TTC28: variants seen among roughly 807,000 people sequenced by gnomAD.
TTC28 encodes the protein tetratricopeptide repeat domain 28.
In TTC28, 61 loss-of-function variants were observed where a neutral mutation model predicts 198.0. The ratio of observed to expected loss-of-function variants is 0.31; its 90% CI spans 0.25 to 0.38. The LOEUF (loss-of-function observed/expected upper bound fraction) is 0.38, where lower values mean the gene tolerates loss of function less well. TTC28 is among the 10% of genes least tolerant of loss of function. The probability of loss-of-function intolerance (pLI) is 1.00; values close to 1 mark genes in which losing one functional copy is unlikely to be tolerated. For missense variants in TTC28, 2,678 were observed against 3,164.0 expected (o/e 0.85, Z 3.69); for synonymous variants, 1,171 against 1,297.8 (o/e 0.90, Z 2.10).
rs546659530 is a variant in TTC28, at chr22:28,599,113, T to C, written c.381+30439A>G. Among the ~76,000 whole-genome samples, 6 of 152,346 alleles carry C rather than the reference T, an allele frequency of 3.9e-5. No individual in the cohort carries two copies. The East Asian group carries it at 5.8e-4, about 15-fold the overall frequency. On this transcript the variant is annotated intron_variant, in intron 2 of 22. Coordinates refer to ENST00000397906, the MANE Select transcript of TTC28 (RefSeq NM_001145418.2). ...CTACATCTCACTCCTTAGAAGTAGA[T>C]TGTATTAAATTTGAGAATATAATCA...
chr22:28,230,297 A>C (rs1009643973), intron 5 of TTC28, among the ~76,000 whole-genome samples: 3 of 152,234 alleles, frequency 2.0e-5, no homozygotes, highest in African/African-American at 7.2e-5. Flanking sequence ...CAGCCAAACC[A>C]AGGCAGAATT....
chr22:28,017,562 T>C (rs112209062), intron 13 of TTC28, among the ~76,000 whole-genome samples: 3 of 151,896 alleles, frequency 2.0e-5, no homozygotes, highest in African/African-American at 7.2e-5. Context: ...CATAGGGAAA[T>C]AGAGACTGGG....
Position 28,176,556 on chromosome 22 carries a change from A to C in TTC28, c.934-12957T>G, listed in dbSNP as rs1021867140. Among the ~76,000 whole-genome samples, 171 of 152,366 alleles carry C rather than the reference A, an allele frequency of 1.1e-3. 3 individuals are homozygous for C. Among genetic ancestry groups the C allele is most frequent in the Non-Finnish European group, 2.9e-5 (2 of 68,032 alleles). On this transcript the variant is annotated intron_variant, in intron 5 of 22. Transcript: ENST00000397906. ...AAATACTGTATATTACAAAACAGCT[A>C]GAAGAGAAGCTTTTGAATGTTCTCA...
chr22:28,106,323 T>C (rs1188329125), intron 7 of TTC28, among the ~76,000 whole-genome samples: 2 of 152,124 alleles, frequency 1.3e-5, no homozygotes, highest in Non-Finnish European at 1.5e-5. Flanking sequence ...GTTCCCCACA[T>C]TTAGGAGAAA....
At chr22:28,379,003 C>T (rs2046455458) in intron 2 of TTC28, among the ~76,000 whole-genome samples, 1 of 151,828 alleles carries the variant, frequency 6.6e-6, no homozygotes, top group Admixed American at 6.6e-5. Flanking sequence ...AAGAAAAAAT[C>T]TTAAAAGCAG....
intron 1 of TTC28, among the ~76,000 whole-genome samples, chr22:28,646,439 A>C (rs1282928663): frequency 6.6e-6 from 1 of 152,240 alleles, no homozygotes; most frequent in Non-Finnish European, 1.5e-5. Context: ...TCCCATGCTC[A>C]TGGAGTAGAA....
At chr22:28,286,744 G>A (rs1344668877) in intron 5 of TTC28, among the ~76,000 whole-genome samples, 4 of 152,020 alleles carry the variant, frequency 2.6e-5, no homozygotes, top group African/African-American at 9.7e-5. Context: ...CTAGATCAAG[G>A]AAGGGAACCA....
chr22:28,023,108 C>A (rs1181743468), intron 13 of TTC28, among the ~76,000 whole-genome samples: 2 of 152,288 alleles, frequency 1.3e-5, no homozygotes, highest in Non-Finnish European at 2.9e-5. Flanking sequence ...CATGTGGCTT[C>A]TCTCCCCTTG....
At chr22:28,660,383 T>A (rs562023952) in intron 1 of TTC28, among the ~76,000 whole-genome samples, 1 of 152,206 alleles carries the variant, frequency 6.6e-6, no homozygotes, top group Non-Finnish European at 1.5e-5. Context: ...TGGAATGCAG[T>A]GGCACCATCT....
At chr22:28,018,903 G>A (rs1938487065) in intron 13 of TTC28, among the ~76,000 whole-genome samples, 1 of 152,234 alleles carries the variant, frequency 6.6e-6, no homozygotes, top group Non-Finnish European at 1.5e-5. Flanking sequence ...ACCATCATTA[G>A]TGCTGCTGCT....
intron 6 of TTC28, among the ~76,000 whole-genome samples, chr22:28,110,679 T>A (rs1032348396): frequency 6.6e-5 from 10 of 152,172 alleles, no homozygotes; most frequent in Non-Finnish European, 1.5e-4. Context: ...CTCACACCTA[T>A]AACCCGGCAC....
chr22:28,553,547 T>A (rs1315353153), intron 2 of TTC28, among the ~76,000 whole-genome samples: 2 of 148,180 alleles, frequency 1.3e-5, no homozygotes, highest in Non-Finnish European at 3.0e-5. Flanking sequence ...ACCCTCTGCC[T>A]GGCAGCCACC....
chr22:28,439,398 C>T (rs534325027), intron 2 of TTC28, among the ~76,000 whole-genome samples: 52 of 152,280 alleles, frequency 3.4e-4, no homozygotes, highest in Middle Eastern at 6.8e-3. Flanking sequence ...CTAGAAGTGA[C>T]GGAGCAAAGC....
intron 5 of TTC28, among the ~76,000 whole-genome samples, chr22:28,280,388 G>A (rs1041728832): frequency 2.6e-5 from 4 of 151,852 alleles, no homozygotes; most frequent in African/African-American, 9.7e-5. Context: ...GTGCAATGGC[G>A]CGACCTCGGC....
At chr22:28,099,476 C>T (rs1441787286) in intron 9 of TTC28, among the ~76,000 whole-genome samples, 5 of 152,312 alleles carry the variant, frequency 3.3e-5, no homozygotes, top group African/African-American at 9.6e-5. Context: ...AAACTGTCTA[C>T]GCTTCCTCGA....
intron 12 of TTC28, among the ~76,000 whole-genome samples, chr22:28,066,302 G>A (rs1940746091): frequency 6.6e-6 from 1 of 150,586 alleles, no homozygotes; most frequent in Non-Finnish European, 1.5e-5. Flanking sequence ...GTGTGTGTGT[G>A]TGGTGTGTGT....
chr22:28,648,778 C>T (rs550621502), intron 1 of TTC28, among the ~76,000 whole-genome samples: 1 of 152,120 alleles, frequency 6.6e-6, no homozygotes, highest in African/African-American at 2.4e-5. Flanking sequence ...GCGTGGTGGC[C>T]TGTGCCTGTA....
chr22:28,522,442 C>T (rs1280445218), intron 2 of TTC28, among the ~76,000 whole-genome samples: 1 of 146,524 alleles, frequency 6.8e-6, no homozygotes, highest in Non-Finnish European at 1.5e-5. Context: ...GAGCCAAGAT[C>T]GTGCCATTGC....
At chr22:28,392,187 C>T (rs1405510429) in intron 2 of TTC28, among the ~76,000 whole-genome samples, 1 of 152,216 alleles carries the variant, frequency 6.6e-6, no homozygotes, top group Non-Finnish European at 1.5e-5. Flanking sequence ...CTTGAGGAGG[C>T]AGTCTGCCCG....
Sources: allele counts gnomAD v4.1 joint callset (sites outside exome capture counted in the v4.1 genomes callset), GRCh38; gene constraint gnomAD v4.1.1; transcripts MANE v1.5; gene names NCBI Gene and HGNC (gene_info 2026-07-23, HGNC 2026-07-21).